ABTB3: variants seen among roughly 807,000 people sequenced by gnomAD.
ABTB3 encodes ankyrin repeat and BTB domain containing 3.
At chr12:107,441,602 T>A in the ABTB3 span, among the ~76,000 whole-genome samples, 209 of 152,076 alleles carry the variant, frequency 1.4e-3, 1 homozygote, top group African/African-American at 4.9e-3. Context: ...TCTGCATATG[T>A]ACCCCAGAAC....
At chr12:107,419,571 G>A in the ABTB3 span, among the ~76,000 whole-genome samples, 88 of 152,236 alleles carry the variant, frequency 5.8e-4, no homozygotes, top group East Asian at 0.015. Flanking sequence ...ACTGTTTGGA[G>A]CACTTTGTCT....
At chr12:107,624,933 C>T in the ABTB3 span, among the ~76,000 whole-genome samples, 7 of 152,300 alleles carry the variant, frequency 4.6e-5, no homozygotes, top group African/African-American at 1.4e-4. Flanking sequence ...TGACTGTACC[C>T]TTTTACATTC....
At chr12:107,618,228 C>T in the ABTB3 span, 2 of 1,613,976 alleles carry the variant, frequency 1.2e-6, no homozygotes, top group African/African-American at 2.7e-5. Context: ...GGAGGAGATT[C>T]TGGCCGAGGG....
chr12:107,446,425 C>G, the ABTB3 span, among the ~76,000 whole-genome samples: 6 of 152,094 alleles, frequency 3.9e-5, no homozygotes, highest in Non-Finnish European at 8.8e-5. Flanking sequence ...GGGAGGGGGA[C>G]CAGGCACATT....
the ABTB3 span, among the ~76,000 whole-genome samples, chr12:107,334,361 G>C: frequency 6.6e-6 from 1 of 152,160 alleles, no homozygotes; most frequent in East Asian, 1.9e-4. Context: ...GTAACTAAAA[G>C]GTGGATTCAC....
At chr12:107,538,400 C>T in the ABTB3 span, among the ~76,000 whole-genome samples, 2 of 152,210 alleles carry the variant, frequency 1.3e-5, no homozygotes, top group African/African-American at 4.8e-5. Flanking sequence ...GTCTAAAGTG[C>T]TAAGAATTAT....
the ABTB3 span, among the ~76,000 whole-genome samples, chr12:107,494,400 G>A: frequency 6.6e-6 from 1 of 152,178 alleles, no homozygotes; most frequent in Non-Finnish European, 1.5e-5. Flanking sequence ...ATCTGGGAAG[G>A]CAGGAATAAG....
chr12:107,350,770 T>C, the ABTB3 span, among the ~76,000 whole-genome samples: 1 of 152,182 alleles, frequency 6.6e-6, no homozygotes, highest in African/African-American at 2.4e-5. Flanking sequence ...TTGTCTTCTC[T>C]TGTAAGTGAG....
chr12:107,581,403 C>G, the ABTB3 span: 1 of 1,048,684 alleles, frequency 9.5e-7, no homozygotes, highest in Non-Finnish European at 1.2e-6. Context: ...GCCTGAGCCC[C>G]GCACACCTCG....
chr12:107,633,625 G>A, the ABTB3 span, among the ~76,000 whole-genome samples: 6 of 152,300 alleles, frequency 3.9e-5, no homozygotes, highest in Non-Finnish European at 2.9e-5. Flanking sequence ...GGGCCTGAAT[G>A]AGAGTGTGCA....
At chr12:107,375,148 G>T in the ABTB3 span, among the ~76,000 whole-genome samples, 1 of 152,166 alleles carries the variant, frequency 6.6e-6, no homozygotes, top group African/African-American at 2.4e-5. Context: ...TGGGTGCCGT[G>T]GCTCACGTCT....
At chr12:107,564,328 G>T in the ABTB3 span, among the ~76,000 whole-genome samples, 1 of 152,126 alleles carries the variant, frequency 6.6e-6, no homozygotes, top group Non-Finnish European at 1.5e-5. Context: ...CACTCATGTG[G>T]AACAGAGATC....
the ABTB3 span, among the ~76,000 whole-genome samples, chr12:107,598,386 T>TA: frequency 1.4e-4 from 22 of 152,338 alleles, no homozygotes; most frequent in East Asian, 1.5e-3. Flanking sequence ...CACTTCTACT[T>TA]ACGTTTTGTT....
chr12:107,322,296 CG>C, the ABTB3 span, among the ~76,000 whole-genome samples: 1 of 152,104 alleles, frequency 6.6e-6, no homozygotes, highest in African/African-American at 2.4e-5. Context: ...TCTTGGGTTT[CG>C]GGGCCCCTTC....
At chr12:107,495,793 C>A in the ABTB3 span, among the ~76,000 whole-genome samples, 2 of 152,332 alleles carry the variant, frequency 1.3e-5, no homozygotes, top group African/African-American at 4.8e-5. Flanking sequence ...TTGCCCAGGT[C>A]ACATAACTCT....
chr12:107,367,361 T>C, the ABTB3 span, among the ~76,000 whole-genome samples: 1 of 152,192 alleles, frequency 6.6e-6, no homozygotes, highest in African/African-American at 2.4e-5. Context: ...AGAAAAATGA[T>C]TTACACTTTT....
the ABTB3 span, among the ~76,000 whole-genome samples, chr12:107,387,134 C>T: frequency 7.9e-5 from 12 of 151,876 alleles, no homozygotes; most frequent in African/African-American, 1.7e-4. Flanking sequence ...CCTGCCACCA[C>T]GCCCAGCTAA....
the ABTB3 span, among the ~76,000 whole-genome samples, chr12:107,534,905 A>C: frequency 2.0e-5 from 3 of 152,222 alleles, no homozygotes; most frequent in Non-Finnish European, 4.4e-5. Flanking sequence ...TATTCCAAAA[A>C]AACTTGAAGA....
chr12:107,654,218 G>T, the ABTB3 span, among the ~76,000 whole-genome samples: 1 of 152,064 alleles, frequency 6.6e-6, no homozygotes, highest in Non-Finnish European at 1.5e-5. Context: ...CCACTTTTTG[G>T]TTATTGTGAA....
Sources: gnomAD v4.1 joint callset for allele counts (sites outside exome capture counted in the v4.1 genomes callset) on GRCh38, gnomAD v4.1.1 for gene constraint, MANE v1.5 for transcripts, NCBI Gene and HGNC (gene_info 2026-07-23, HGNC 2026-07-21) for gene names.